KMT2B: variants seen among roughly 807,000 people sequenced by gnomAD.
KMT2B encodes the protein lysine methyltransferase 2B.
Under a neutral mutation model 255.3 loss-of-function variants are expected in KMT2B, and 22 were observed. The ratio of observed to expected loss-of-function variants is 0.09; its 90% CI spans 0.06 to 0.12. The LOEUF is 0.12. Ranked by LOEUF, KMT2B falls within the 10% of genes least tolerant of loss-of-function variation. The pLI is 1.00. For missense variants in KMT2B, 3,149 were observed against 3,737.0 expected, an observed-to-expected ratio of 0.84 and a Z score of 4.10; for synonymous variants, 1,730 against 1,498.1, an observed-to-expected ratio of 1.15 and a Z score of -3.57.
In KMT2B at chr19:35,727,271, T is replaced by TGCTCCACTGACTCACCTGA; in HGVS notation, c.4117+3_4117+4insCTCCACTGACTCACCTGAG. The TGCTCCACTGACTCACCTGA allele has an allele frequency of 6.2e-7, 1 of 1,611,034 alleles. No individual in the cohort carries two copies. Among genetic ancestry groups the TGCTCCACTGACTCACCTGA allele is most frequent in the Non-Finnish European group, 8.5e-7 (1 of 1,177,672 alleles). On this transcript the variant is annotated splice_region_variant and intron_variant, in intron 15 of 36. Coordinates refer to ENST00000420124, the MANE Select transcript of KMT2B (RefSeq NM_014727.3). The surrounding 1 kb of genome is among the most constrained non-coding windows in gnomAD (Gnocchi z 4.2). ...ATGCCAAGTGCGAGGGGCTCTCAGG[T>TGCTCCACTGACTCACCTGA]GAGTCAGTGGAGCACCTGGGCTGCA...
rs759104024 is a variant in KMT2B, at chr19:35,730,414, C to A, written c.5149C>A (p.Arg1717=). ...YVDFEGINFK[R]KFLTGLEPDA... ...GGACTTCGAGGGCATCAACTTCAAG[C>A]GGAAGTTCTTGACGGGGCTTGAACC... Residue 1717 remains arginine (R), a synonymous_variant, in exon 24 of 37, where the codon CGG becomes AGG. Coordinates refer to ENST00000420124, the MANE Select transcript of KMT2B (RefSeq NM_014727.3). 50 of 1,613,678 alleles carry A rather than the reference C, an allele frequency of 3.1e-5. No homozygotes were observed. The African/African-American group carries it at 5.6e-4, about 18-fold the overall frequency.
rs1969956479 is a variant in KMT2B at position 35,737,303 on chromosome 19, CT to C, written c.7550+41del. 6.9e-7 allele frequency: 1 copy of C among 1,457,092 alleles called. No homozygotes were observed. Among genetic ancestry groups the C allele is most frequent in the Non-Finnish European group, 9.0e-7 (1 of 1,105,422 alleles). The allele number at this position is 1,457,092 out of a possible 1,614,324, so 90.3% of individuals were successfully genotyped here. A position where few individuals can be genotyped will look rare whatever the true frequency, so the allele number is the denominator to read the frequency against. On this transcript the variant is annotated intron_variant, in intron 33 of 36. Coordinates refer to ENST00000420124, the MANE Select transcript of KMT2B (RefSeq NM_014727.3). This position sits in a 1 kb window ranked among gnomAD's most constrained non-coding sequence, Gnocchi z 5.3. ...GTGTGATGCCTGGGTCAGGGCGCCC[CT>C]ATGAGAGCTCTTGAGGGTGGGAGTT...
rs1476875123 is a variant in KMT2B, at chr19:35,721,439, C to T, written c.2092C>T (p.Arg698Cys). The change falls in exon 3 of 37, where the codon CGC becomes TGC. Residue 698 changes from arginine to cysteine, a missense_variant. By Grantham distance (180) the Arg-to-Cys change is radical. Coordinates refer to ENST00000420124, the MANE Select transcript of KMT2B (RefSeq NM_014727.3). The part of the protein sequence containing the change: ...PAEPEPRAVG[R>C]TNHLSLPRFA... ...TGAGCCTGAGCCTCGGGCAGTGGGCCGCACCAACCACCTCAGCCTGCCTCG... is the reference window on the plus strand; with the variant it reads ...TGAGCCTGAGCCTCGGGCAGTGGGCTGCACCAACCACCTCAGCCTGCCTCG... 8.1e-6 allele frequency: 13 copies of T among 1,612,232 alleles called. No individual in the cohort carries two copies. Among genetic ancestry groups the T allele is most frequent in the African/African-American group, 1.3e-5 (1 of 74,834 alleles).
At chr19:35,721,946 C>G (rs572243778) in intron 3 of KMT2B, 142 bp downstream of exon 3, 3 of 1,140,748 alleles carry the variant, frequency 2.6e-6, no homozygotes, top group African/African-American at 3.1e-5. Flanking sequence ...CCCCCACCTT[C>G]CTTTGTTCCT....
Position 35,727,655 on chromosome 19 carries a change from G to A in KMT2B, c.4302+33G>A. The A allele has an allele frequency of 6.2e-7, 1 of 1,612,758 alleles. No homozygotes were observed. Among genetic ancestry groups the A allele is most frequent in the Non-Finnish European group, 8.5e-7 (1 of 1,179,746 alleles). On this transcript the variant is annotated intron_variant, in intron 16 of 36. Transcript: ENST00000420124. The surrounding 1 kb of genome is among the most constrained non-coding windows in gnomAD (Gnocchi z 4.2). ...GGGCCCTGGAGGCAGGATGGGCCGGGGCTAGGCCCACCCCCAGCCCTGCTA... is the reference window on the plus strand; with the variant it reads ...GGGCCCTGGAGGCAGGATGGGCCGGAGCTAGGCCCACCCCCAGCCCTGCTA...
rs971749883 is a variant in KMT2B at position 35,737,543 on chromosome 19, C to G, written c.7551-93C>G. ...AAATAAAAATTTAAAAAAGTTATTT[C>G]TAGAGCTGACATCAGAAAAATGAAC... On this transcript the variant is annotated intron_variant, in intron 33 of 36. Transcript: ENST00000420124. This position sits in a 1 kb window ranked among gnomAD's most constrained non-coding sequence, Gnocchi z 5.3. The G allele has an allele frequency of 1.1e-5, 10 of 900,944 alleles. No homozygotes were observed. In the Admixed American group the frequency reaches 2.3e-4, roughly 21 times the overall value. The allele number at this position is 900,944 out of a possible 1,614,324, so 55.8% of individuals were successfully genotyped here.
chr19:35,737,420 G>A lies in KMT2B; in HGVS notation c.7550+157G>A, dbSNP rs984662703. 8 of 932,844 alleles carry A rather than the reference G, an allele frequency of 8.6e-6. 1 individual carries two copies. Among genetic ancestry groups the A allele is most frequent in the African/African-American group, 3.3e-5 (2 of 59,818 alleles). The allele number at this position is 932,844 out of a possible 1,614,324, so 57.8% of individuals were successfully genotyped here. A position where few individuals can be genotyped will look rare whatever the true frequency, so the allele number is the denominator to read the frequency against. ...GAGTTAGCCAGGCTCCGTGGCTCAT[G>A]CCTGTAATCCCGCCACTTTGGGAGG... On this transcript the variant is annotated intron_variant, in intron 33 of 36. Coordinates refer to ENST00000420124, the MANE Select transcript of KMT2B (RefSeq NM_014727.3). The surrounding 1 kb of genome is among the most constrained non-coding windows in gnomAD (Gnocchi z 5.3).
At position 35,733,727 on chromosome 19, in the gene KMT2B, C is replaced by CT. The variant is rs771202841; in HGVS notation, c.7050-35dup. 6.2e-7 allele frequency: 1 copy of CT among 1,610,036 alleles called. No homozygotes were observed. Among genetic ancestry groups the CT allele is most frequent in the Non-Finnish European group, 8.5e-7 (1 of 1,177,804 alleles). On this transcript the variant is annotated intron_variant, in intron 29 of 36. Transcript: ENST00000420124. This position sits in a 1 kb window ranked among gnomAD's most constrained non-coding sequence, Gnocchi z 4.3. ...CCTCTCCCTGGAGGGTCTGGGACCTCTGTCCTTCCCCTTCCTGACAGGTCT... is the reference window on the plus strand; with the variant it reads ...CCTCTCCCTGGAGGGTCTGGGACCTCTTGTCCTTCCCCTTCCTGACAGGTCT...
In KMT2B at chr19:35,718,485, G is replaced by C; in HGVS notation, c.363+104G>C. ...GGCGTGGGCAGGCCGGGTCCTCAGG[G>C]TTCCTTCGGAGAGACGGGGCACGGA... On this transcript the variant is annotated intron_variant, in intron 1 of 36. Coordinates refer to ENST00000420124, the MANE Select transcript of KMT2B (RefSeq NM_014727.3). The surrounding 1 kb of genome is among the most constrained non-coding windows in gnomAD (Gnocchi z 5.0). 8.5e-7 allele frequency: 1 copy of C among 1,171,502 alleles called. No homozygotes were observed. Among genetic ancestry groups the C allele is most frequent in the Non-Finnish European group, 1.1e-6 (1 of 939,196 alleles). The allele number at this position is 1,171,502 out of a possible 1,614,324, so 72.6% of individuals were successfully genotyped here.
chr19:35,732,586 A>G lies in KMT2B; in HGVS notation c.6037A>G (p.Met2013Val), dbSNP rs777611420. The G allele has an allele frequency of 5.6e-6, 9 of 1,613,258 alleles. No homozygotes were observed. Among genetic ancestry groups the G allele is most frequent in the Admixed American group, 1.7e-5 (1 of 59,980 alleles). ...FQEEIVAAGA[M>V]GSSHGGPGDS... ...GGAAGAGATTGTAGCCGCTGGGGCCATGGGGAGCAGCCACGGGGGCCCGGG... is the reference window on the plus strand; with the variant it reads ...GGAAGAGATTGTAGCCGCTGGGGCCGTGGGGAGCAGCCACGGGGGCCCGGG... The change falls in exon 28 of 37, where the codon ATG (methionine) becomes GTG (valine). Residue 2013 changes from methionine to valine, a missense_variant. This residue lies in a region of KMT2B where 897 missense variants were observed against 825.3 expected (regional missense o/e 1.09). Transcript: ENST00000420124.
chr19:35,734,004 G>C, intron 30 of KMT2B, 132 bp downstream of exon 30: 1 of 642,934 alleles, frequency 1.6e-6, no homozygotes. Context: ...CGGTGCTAGA[G>C]TTAGAGATGA....
chr19:35,733,115 C>A lies in KMT2B; in HGVS notation c.6566C>A (p.Ser2189Tyr). 1 of 1,591,276 alleles carries A rather than the reference C, an allele frequency of 6.3e-7. No individual in the cohort carries two copies. Among genetic ancestry groups the A allele is most frequent in the South Asian group, 1.1e-5 (1 of 87,394 alleles). Reference protein sequence around the residue: ...PAPEPPKPATSKIILVNKLGQ... With the variant: ...PAPEPPKPATYKIILVNKLGQ... ...CCTGAGCCCCCCAAACCCGCCACAT[C>A]CAAAATCATACTTGTCAACAAGCTG... is the stretch of plus-strand genomic sequence containing the variant. Residue 2189 changes from serine (S) to tyrosine (Y), a missense_variant, in exon 28 of 37, where the codon TCC becomes TAC. Around this residue, in one of 18 missense-constraint regions of KMT2B, gnomAD observed 897 missense variants for 825.3 expected, o/e 1.09. Transcript: ENST00000420124. This position sits in a 1 kb window ranked among gnomAD's most constrained non-coding sequence, Gnocchi z 4.3.
In KMT2B at chr19:35,721,353, C is replaced by T; in HGVS notation, c.2006C>T (p.Pro669Leu). 1 of 1,585,930 alleles carries T rather than the reference C, an allele frequency of 6.3e-7. No individual in the cohort carries two copies. The highest frequency in any genetic ancestry group is 8.6e-7 in the Non-Finnish European group (1 of 1,167,304). ...ATCTACGAATCGGTGCTTACTCCTC[C>T]TCCTCTTGGGGCTCCTGAAGCCCCT... Reference protein sequence around the residue: ...LKIYESVLTPPPLGAPEAPEP... With the variant: ...LKIYESVLTPLPLGAPEAPEP... Residue 669 changes from proline to leucine, a missense_variant, in exon 3 of 37, where the codon CCT (proline) becomes CTT (leucine). Physicochemically the swap from Pro to Leu is moderately conservative, Grantham distance 98 (BLOSUM62 -3). Transcript: ENST00000420124.
At position 35,726,308 on chromosome 19, in the gene KMT2B, G is replaced by A; in HGVS notation, c.3958G>A (p.Gly1320Arg). Residue 1320 changes from glycine (G) to arginine (R), a missense_variant, in exon 14 of 37, where the codon GGA (glycine) becomes AGA (arginine). Coordinates refer to ENST00000420124, the MANE Select transcript of KMT2B (RefSeq NM_014727.3). ...PGKNWDVEWSGDYSLCPRCTQ... is the reference protein window; with the variant it reads ...PGKNWDVEWSRDYSLCPRCTQ... The stretch of plus-strand genomic sequence containing the variant: ...CAAGAACTGGGACGTCGAGTGGTCT[G>A]GAGATTACAGCCTCTGCCCCAGGTG... 6.2e-7 allele frequency: 1 copy of A among 1,613,822 alleles called. No homozygotes were observed. The highest frequency in any genetic ancestry group is 8.5e-7 in the Non-Finnish European group (1 of 1,179,846).
intron 19 of KMT2B, 41 bp from the exon 20 acceptor site, chr19:35,728,733 C>G (rs1969566837): frequency 1.3e-6 from 2 of 1,535,330 alleles, no homozygotes; most frequent in African/African-American, 1.4e-5. Context: ...GTTCAGCTGC[C>G]CTTGTTGGGC....
At chr19:35,719,427 C>A in intron 1 of KMT2B, 42 bp from the exon 2 acceptor site, 1 of 1,433,160 alleles carries the variant, frequency 7.0e-7, no homozygotes, top group East Asian at 2.5e-5. Context: ...GGCTTTGGCA[C>A]TGACTGCTGT....
chr19:35,720,759 G>A lies in KMT2B; in HGVS notation c.1412G>A (p.Arg471Gln), dbSNP rs1210126385. The A allele has an allele frequency of 4.1e-6, 6 of 1,474,120 alleles. No individual in the cohort carries two copies. The highest frequency in any genetic ancestry group is 5.4e-6 in the Non-Finnish European group (6 of 1,110,712). The allele number at this position is 1,474,120 out of a possible 1,614,324, so 91.3% of individuals were successfully genotyped here. The change falls in exon 3 of 37, where the codon CGG becomes CAG. Residue 471 changes from arginine to glutamine, a missense_variant. By Grantham distance (43) the Arg-to-Gln change is conservative. This residue lies in a region of KMT2B where 1,188 missense variants were observed against 1,106.4 expected (regional missense o/e 1.07). Transcript: ENST00000420124. ...VPATCSRKRG[R>Q]PPLTPSQRAE... ...GCTACGTGCTCCAGGAAGAGGGGCC[G>A]GCCTCCCCTGACTCCCAGCCAGCGG...
In KMT2B at chr19:35,723,116, A is replaced by G. The variant is rs993980063; in HGVS notation, c.2844A>G (p.Thr948=). 7.4e-6 allele frequency: 12 copies of G among 1,613,074 alleles called. No homozygotes were observed. Among genetic ancestry groups the G allele is most frequent in the African/African-American group, 1.3e-5 (1 of 74,902 alleles). Residue 948 remains threonine (T), a synonymous_variant, in exon 6 of 37, where the codon ACA becomes ACG. Coordinates refer to ENST00000420124, the MANE Select transcript of KMT2B (RefSeq NM_014727.3). The surrounding 1 kb of genome is among the most constrained non-coding windows in gnomAD (Gnocchi z 7.5). ...PTGSGGTLAH[T]PRRSLPSHHG... is the part of the protein sequence containing the mutation. ...GTTCTGGAGGGACCCTGGCCCACAC[A>G]CCCCGGCGCTCACTGCCCTCCCATC...
rs1969812316 is a variant in KMT2B, at chr19:35,733,659, G to A, written c.7022G>A (p.Gly2341Glu). The A allele has an allele frequency of 6.2e-7, 1 of 1,600,752 alleles. No individual in the cohort carries two copies. Among genetic ancestry groups the A allele is most frequent in the Non-Finnish European group, 8.5e-7 (1 of 1,174,060 alleles). Residue 2341 changes from glycine (G) to glutamate (E), a missense_variant, in exon 29 of 37, where the codon GGG becomes GAG. Physicochemically the swap from Gly to Glu is moderately conservative, Grantham distance 98 (BLOSUM62 -2). Coordinates refer to ENST00000420124, the MANE Select transcript of KMT2B (RefSeq NM_014727.3). The surrounding 1 kb of genome is among the most constrained non-coding windows in gnomAD (Gnocchi z 4.3). ...VRGVLDLDRP[G>E]EPAGEESPGP... ...GGGGTCCTTGACCTGGATCGGCCTG[G>A]GGAGCCCGCTGGGGAAGAAAGTCCT... is the stretch of plus-strand genomic sequence containing the variant.
Sources: gnomAD v4.1 joint callset for allele counts on GRCh38, gnomAD v4.1.1 for gene constraint, gnomAD v4.1.1 regional missense constraint, Gnocchi (gnomAD v3.1) non-coding constraint, MANE v1.5 for transcripts, NCBI Gene and HGNC (gene_info 2026-07-23, HGNC 2026-07-21) for gene names.